DENND4A: variants seen among roughly 807,000 people sequenced by gnomAD.
DENND4A encodes the protein C-myc promoter-binding protein.
In DENND4A, 70 loss-of-function variants were observed where a neutral mutation model predicts 199.3. That is an observed-to-expected ratio of 0.35 (90% CI 0.29 to 0.43). The LOEUF is 0.43. DENND4A is among the 20% of genes least tolerant of loss of function. The probability of loss-of-function intolerance (pLI) is 1.00; values close to 1 mark genes in which losing one functional copy is unlikely to be tolerated. For missense variants in DENND4A, 1,723 were observed against 2,255.8 expected (o/e 0.76, Z 4.78); for synonymous variants, 686 against 766.9 (o/e 0.89, Z 1.74).
chr15:65,753,879 G>T (rs1214886704), intron 3 of DENND4A: 1 of 141,452 alleles, frequency 7.1e-6, no homozygotes, highest in Non-Finnish European at 1.5e-5. Context: ...TTGTTGCCCA[G>T]GCTGAAGTGC....
In DENND4A at chr15:65,702,422, C is replaced by A; in HGVS notation, c.2313G>T (p.Leu771=). ...CATAAGCTGGGAGACAAATAAACCA[C>A]AGTCCATAACAGTGGCGCAGTAGAC... ...SRCLLRHCYG[L]WFICLPAYVK... The change falls in exon 17 of 33, where the codon CTG becomes CTT. Residue 771 remains leucine (L), a synonymous_variant. Transcript: ENST00000443035. 6.3e-7 allele frequency: 1 copy of A among 1,586,148 alleles called. No individual in the cohort carries two copies.
chr15:65,782,999 G>GA (rs531997308), intron 1 of DENND4A, among the ~76,000 whole-genome samples: 9 of 143,320 alleles, frequency 6.3e-5, no homozygotes, highest in East Asian at 4.0e-4. Context: ...AAGTCAGGAG[G>GA]AAAAAAAAAC....
At chr15:65,665,074 C>T (rs1450694784) in intron 30 of DENND4A, 1 of 452,960 alleles carries the variant, frequency 2.2e-6, no homozygotes, top group African/African-American at 2.0e-5. Flanking sequence ...TTCTGCAAAA[C>T]ACAACCAACC....
intron 3 of DENND4A, among the ~76,000 whole-genome samples, chr15:65,754,299 G>A (rs1160442963): frequency 6.6e-6 from 1 of 151,918 alleles, no homozygotes; most frequent in African/African-American, 2.4e-5. Context: ...TCCTTCTTTT[G>A]ATCTTGTTTT....
chr15:65,741,638 C>T (rs2076264983), intron 5 of DENND4A, 77 bp downstream of exon 5: 1 of 1,154,654 alleles, frequency 8.7e-7, no homozygotes. Flanking sequence ...ACAGACTAGG[C>T]AGGTTTCTTT....
chr15:65,771,041 A>G, intron 1 of DENND4A: 1 of 873,010 alleles, frequency 1.1e-6, no homozygotes, highest in South Asian at 2.1e-5. Flanking sequence ...TAAACAGTCC[A>G]AGATTTCAGG....
chr15:65,668,192 T>C (rs2141863052), intron 27 of DENND4A, 69 bp from the exon 28 acceptor site: 1 of 1,158,808 alleles, frequency 8.6e-7, no homozygotes, highest in Admixed American at 3.2e-5. Context: ...ACAAGGATCA[T>C]GTTCTCTCTC....
At chr15:65,675,487 A>G (rs1169966460) in intron 24 of DENND4A, among the ~76,000 whole-genome samples, 1 of 152,044 alleles carries the variant, frequency 6.6e-6, no homozygotes, top group African/African-American at 2.4e-5. Flanking sequence ...CAAAAAACAA[A>G]CTTAGATAAA....
In DENND4A at chr15:65,691,124, TCTGC is replaced by T. The variant is rs1328889087; in HGVS notation, c.3466_3469del (p.Ala1156IlefsTer11). The T allele has an allele frequency of 6.2e-7, 1 of 1,613,228 alleles. No individual in the cohort carries two copies. The highest frequency in any genetic ancestry group is 1.3e-5 in the African/African-American group (1 of 74,916). On this transcript the variant is annotated frameshift_variant, in exon 23 of 33. Transcript: ENST00000443035. LOFTEE classifies it high-confidence loss of function. ...AAAAATAACAGGAGAATCCACTTTA[TCTGC>T]CAAATAGTTAGAACCATCAAAAGGT...
At position 65,661,929 on chromosome 15, in the gene DENND4A, C is replaced by T; in HGVS notation, c.5646G>A (p.Lys1882=). The change falls in exon 33 of 33, where the codon AAG becomes AAA. Residue 1882 remains lysine, a synonymous_variant. Coordinates refer to ENST00000443035, the MANE Select transcript of DENND4A (RefSeq NM_001320835.1). ...GTGGTCTATCACAGTTGTGTGTACT[C>T]TTGACTTGACTAGGTGTGAGACGAT... is the stretch of plus-strand genomic sequence containing the variant. The part of the protein sequence containing the change: ...AYDRLTPSQV[K]STHNCDRPPS... The T allele has an allele frequency of 6.2e-7, 1 of 1,613,256 alleles. No individual in the cohort carries two copies. Among genetic ancestry groups the T allele is most frequent in the East Asian group, 2.2e-5 (1 of 44,854 alleles).
Position 65,661,906 on chromosome 15 carries a change from G to T in DENND4A, c.5669C>A (p.Pro1890Gln). ...ACATTCCATCACCCCTGTACTTGGT[G>T]GTCTATCACAGTTGTGTGTACTCTT... ...QVKSTHNCDR[P>Q]PSTGVMECRK... Residue 1890 changes from proline (P) to glutamine (Q), a missense_variant, in exon 33 of 33, where the codon CCA (proline) becomes CAA (glutamine). Transcript: ENST00000443035. The T allele has an allele frequency of 6.2e-7, 1 of 1,612,852 alleles. No individual in the cohort carries two copies. The highest frequency in any genetic ancestry group is 8.5e-7 in the Non-Finnish European group (1 of 1,179,404).
chr15:65,789,094 C>T (rs2077646292), intron 1 of DENND4A, among the ~76,000 whole-genome samples: 1 of 151,834 alleles, frequency 6.6e-6, no homozygotes, highest in Non-Finnish European at 1.5e-5. Context: ...AAGTTGTATC[C>T]ACCATATAGA....
At chr15:65,679,142 T>G (rs971490347) in intron 23 of DENND4A, among the ~76,000 whole-genome samples, 1 of 152,138 alleles carries the variant, frequency 6.6e-6, no homozygotes, top group Admixed American at 6.5e-5. Context: ...TCACCCGGGC[T>G]GGAGTGCAGT....
chr15:65,667,596 T>A lies in DENND4A; in HGVS notation c.5094A>T (p.Glu1698Asp). Residue 1698 changes from glutamate (E) to aspartate (D), a missense_variant, in exon 29 of 33, where the codon GAA (glutamate) becomes GAT (aspartate). By Grantham distance (45) the Glu-to-Asp change is conservative (BLOSUM62 2). Coordinates refer to ENST00000443035, the MANE Select transcript of DENND4A (RefSeq NM_001320835.1). ...WKELESLLENEGDHAITVADF... is the reference protein window; with the variant it reads ...WKELESLLENDGDHAITVADF... ...CTGCTACTGTTATTGCATGATCACC[T>A]TCATTTTCCAATAAGCTTTCAAGTT... 3 of 1,614,008 alleles carry A rather than the reference T, an allele frequency of 1.9e-6. No individual in the cohort carries two copies. Among genetic ancestry groups the A allele is most frequent in the Non-Finnish European group, 2.5e-6 (3 of 1,179,886 alleles).
intron 2 of DENND4A, among the ~76,000 whole-genome samples, chr15:65,758,812 T>C (rs186549193): frequency 6.6e-6 from 1 of 152,298 alleles, no homozygotes; most frequent in African/African-American, 2.4e-5. Context: ...ATACTTACTA[T>C]ATATATAAAA....
intron 1 of DENND4A, among the ~76,000 whole-genome samples, chr15:65,790,043 C>T (rs2077673286): frequency 6.6e-6 from 1 of 152,142 alleles, no homozygotes; most frequent in East Asian, 1.9e-4. Context: ...GTCCCAGCTA[C>T]TTTTATTTTA....
At chr15:65,688,796 G>T (rs1377758667) in intron 23 of DENND4A, among the ~76,000 whole-genome samples, 1 of 152,224 alleles carries the variant, frequency 6.6e-6, no homozygotes, top group Admixed American at 6.5e-5. Flanking sequence ...GAAAGGAAAT[G>T]ATAAACTCAT....
chr15:65,754,148 A>G (rs530937813), intron 3 of DENND4A, among the ~76,000 whole-genome samples: 5 of 152,266 alleles, frequency 3.3e-5, no homozygotes, highest in South Asian at 4.1e-4. Flanking sequence ...TATTTCTAAT[A>G]TAAGTTTTAA....
chr15:65,750,073 A>C (rs141326554), intron 4 of DENND4A, among the ~76,000 whole-genome samples: 2,620 of 152,310 alleles, frequency 0.017, 85 homozygotes, highest in African/African-American at 0.06. Flanking sequence ...GTAGAAAGTT[A>C]AATAAACTGA....
Sources: allele counts gnomAD v4.1 joint callset (sites outside exome capture counted in the v4.1 genomes callset), GRCh38; gene constraint gnomAD v4.1.1; transcripts MANE v1.5; gene names NCBI Gene and HGNC (gene_info 2026-07-23, HGNC 2026-07-21).